PADI1: variants seen among roughly 807,000 people sequenced by gnomAD.
PADI1 encodes the protein protein-arginine deiminase type-1.
In PADI1, 65 loss-of-function variants were observed where a neutral mutation model predicts 74.8. The observed-to-expected ratio is 0.87, with a 90% CI of 0.71 to 1.07. PADI1 has a LOEUF of 1.07. Ranked by LOEUF, PADI1 falls within the 50% of genes least tolerant of loss-of-function variation. PADI1 has a pLI of 0.00. For missense variants in PADI1, 943 were observed against 854.0 expected, an observed-to-expected ratio of 1.10 and a Z score of -1.30; for synonymous variants, 371 against 336.2, an observed-to-expected ratio of 1.10 and a Z score of -1.13.
At chr1:17,212,560 C>G (rs986239333) in intron 1 of PADI1, among the ~76,000 whole-genome samples, 14 of 152,164 alleles carry the variant, frequency 9.2e-5, no homozygotes, top group African/African-American at 3.1e-4. Flanking sequence ...CCAGGTGGTA[C>G]ATTTCTGAGC....
intron 14 of PADI1, chr1:17,240,139 ATT>A (rs1171594339): frequency 2.9e-4 from 83 of 286,928 alleles, no homozygotes; most frequent in Non-Finnish European, 4.9e-4. Context: ...GGTGGGTAAG[ATT>A]CAGGGGGATC....
chr1:17,226,784 T>G (rs1277407829), intron 6 of PADI1, among the ~76,000 whole-genome samples: 1 of 152,026 alleles, frequency 6.6e-6, no homozygotes, highest in Non-Finnish European at 1.5e-5. Context: ...GCACGGTGGC[T>G]CACACCTGTA....
intron 1 of PADI1, among the ~76,000 whole-genome samples, chr1:17,220,223 GC>G (rs916573025): frequency 6.6e-6 from 1 of 152,086 alleles, no homozygotes; most frequent in African/African-American, 2.4e-5. Flanking sequence ...TATAATCTTT[GC>G]TTTGGGGGGT....
At position 17,239,745 on chromosome 1, in the gene PADI1, G is replaced by A; in HGVS notation, c.1594G>A (p.Ala532Thr). ...AAAAAGAAGCATTAATGAGATGCTG[G>A]CAGACAGACACCTCCAGAGAGACAA... ...QAKRSINEML[A>T]DRHLQRDNLH... The change falls in exon 14 of 16, where the codon GCA becomes ACA. Residue 532 changes from alanine to threonine, a missense_variant. Physicochemically the swap from Ala to Thr is moderately conservative, Grantham distance 58. Transcript: ENST00000375471. The A allele has an allele frequency of 1.2e-6, 2 of 1,614,062 alleles. No homozygotes were observed. The highest frequency in any genetic ancestry group is 2.2e-5 in the South Asian group (2 of 91,080).
chr1:17,215,021 G>A (rs35116152), intron 1 of PADI1, among the ~76,000 whole-genome samples: 3,159 of 152,314 alleles, frequency 0.021, 62 homozygotes, highest in Non-Finnish European at 0.033. Flanking sequence ...TGACCTGGAT[G>A]GGGGTGATGG....
At position 17,224,282 on chromosome 1, in the gene PADI1, G is replaced by A. The variant is rs2072246959; in HGVS notation, c.347-85G>A. The A allele has an allele frequency of 4.4e-6, 5 of 1,131,228 alleles. No individual in the cohort carries two copies. In the South Asian group the frequency reaches 6.5e-5, roughly 15 times the overall value. 70.1% of individuals were successfully genotyped at this position (1,131,228 alleles called of 1,614,324 possible). ...TCCAGTCCTCACGGGCTTGGGGAGGGGTCAGAGTTTGCCCAACCTGGACTT... is the reference window on the plus strand; with the variant it reads ...TCCAGTCCTCACGGGCTTGGGGAGGAGTCAGAGTTTGCCCAACCTGGACTT... On this transcript the variant is annotated intron_variant, in intron 3 of 15. Transcript: ENST00000375471.
In PADI1 at chr1:17,232,000, G is replaced by A. The variant is rs979074098; in HGVS notation, c.1162-819G>A. ...GTTGCCTGGGCTGGAGTGCAATGGC[G>A]CGATCTTGGCTCACTGCAACCTCTG... On this transcript the variant is annotated intron_variant, in intron 10 of 15. Coordinates refer to ENST00000375471, the MANE Select transcript of PADI1 (RefSeq NM_013358.3). 1.3e-4 allele frequency among the ~76,000 whole-genome samples: 20 copies of A among 152,112 alleles called. 1 individual carries two copies. The highest frequency in any genetic ancestry group is 1.7e-4 in the African/African-American group (7 of 41,492).
intron 6 of PADI1, among the ~76,000 whole-genome samples, chr1:17,228,147 C>T (rs1001943558): frequency 1.1e-4 from 16 of 152,184 alleles, no homozygotes; most frequent in Admixed American, 3.3e-4. Flanking sequence ...TGTGCCACCA[C>T]GCCTGGCTAT....
In PADI1 at chr1:17,244,177, G is replaced by A. The variant is rs151272256; in HGVS notation, c.1926G>A (p.Glu642=). The A allele has an allele frequency of 5.1e-5, 82 of 1,614,216 alleles. No individual in the cohort carries two copies. The African/African-American group carries it at 9.6e-4, about 19-fold the overall frequency. ...DYLSYHELQG[E]IHCGTNVRRK... is the part of the protein sequence containing the mutation. ...TGTCCTACCACGAGCTGCAGGGGGA[G>A]ATCCACTGTGGCACCAACGTGCGCA... The change falls in exon 16 of 16, where the codon GAG becomes GAA. Residue 642 remains glutamate, a synonymous_variant. Transcript: ENST00000375471.
In PADI1 at chr1:17,209,287, T is replaced by C. The variant is rs369034225; in HGVS notation, c.92+3978T>C. ...TGGACACATTCTCTGCTCCGTCCTGTCACTGTGTCACTGCAGCAGGAAGAA... is the reference window on the plus strand; with the variant it reads ...TGGACACATTCTCTGCTCCGTCCTGCCACTGTGTCACTGCAGCAGGAAGAA... On this transcript the variant is annotated intron_variant, in intron 1 of 15. Coordinates refer to ENST00000375471, the MANE Select transcript of PADI1 (RefSeq NM_013358.3). 5.6e-4 allele frequency among the ~76,000 whole-genome samples: 86 copies of C among 152,280 alleles called. 1 individual carries two copies. The highest frequency in any genetic ancestry group is 2.0e-3 in the African/African-American group (85 of 41,562).
rs779522207 is a variant in PADI1, at chr1:17,215,832, CT to C, written c.93-6457del. On this transcript the variant is annotated intron_variant, in intron 1 of 15. Transcript: ENST00000375471. Reference sequence around the variant, plus strand: ...ACAGCATAAAACAGAAAAAAAATCTCTGCATTTTAGAGGGAGAGACTGCAAT... The same window carrying C: ...ACAGCATAAAACAGAAAAAAAATCTCGCATTTTAGAGGGAGAGACTGCAAT... Among the ~76,000 whole-genome samples, 3 of 152,324 alleles carry C rather than the reference CT, an allele frequency of 2.0e-5. 1 individual carries two copies.
intron 1 of PADI1, among the ~76,000 whole-genome samples, chr1:17,211,201 T>A (rs2977275): frequency 3.7e-4 from 9 of 24,280 alleles, no homozygotes; most frequent in South Asian, 2.5e-3. Flanking sequence ...CAGCCCTGGT[T>A]TTTTGTTTTT....
At chr1:17,240,290 C>T (rs916047085) in intron 14 of PADI1, 25 of 246,628 alleles carry the variant, frequency 1.0e-4, no homozygotes, top group African/African-American at 4.7e-4. Flanking sequence ...TACCCCTTCC[C>T]GGTAGTGCCC....
rs377091332 is a variant in PADI1 at position 17,238,661 on chromosome 1, T to C, written c.1504T>C (p.Phe502Leu). The C allele has an allele frequency of 6.4e-6, 10 of 1,556,054 alleles. No individual in the cohort carries two copies. Among genetic ancestry groups the C allele is most frequent in the Non-Finnish European group, 8.7e-6 (10 of 1,145,600 alleles). ...TAGCCCCAGCGCTTGCCTCAAACTC[T>C]TCCAAGAGAAGAAAGAAGAGGGTTA... is the stretch of plus-strand genomic sequence containing the variant. ...LASPSACLKL[F>L]QEKKEEGYGE... The change falls in exon 13 of 16, where the codon TTC (phenylalanine) becomes CTC (leucine). Residue 502 changes from phenylalanine to leucine, a missense_variant. Phe to Leu is a conservative substitution (Grantham distance 22, BLOSUM62 0). Coordinates refer to ENST00000375471, the MANE Select transcript of PADI1 (RefSeq NM_013358.3).
intron 6 of PADI1, among the ~76,000 whole-genome samples, chr1:17,227,418 C>G (rs2100469805): frequency 6.6e-6 from 1 of 151,118 alleles, no homozygotes; most frequent in South Asian, 2.1e-4. Context: ...GTAGTCCCAG[C>G]TACTCTGAAG....
chr1:17,223,379 C>T (rs965565909), intron 2 of PADI1: 6 of 514,512 alleles, frequency 1.2e-5, no homozygotes, highest in African/African-American at 7.8e-5. Flanking sequence ...CTCCACCTTT[C>T]CCCCACCCTC....
chr1:17,220,067 G>C (rs1274809841), intron 1 of PADI1, among the ~76,000 whole-genome samples: 2 of 152,056 alleles, frequency 1.3e-5, no homozygotes, highest in Admixed American at 6.5e-5. Context: ...AGGAAGAGCA[G>C]GTAAGGTGCG....
At chr1:17,217,349 G>A (rs74058978) in intron 1 of PADI1, among the ~76,000 whole-genome samples, 22,841 of 151,994 alleles carry the variant, frequency 0.15, 2,189 homozygotes, top group Admixed American at 0.27. Flanking sequence ...GTTCAGGGCC[G>A]GTGTGCAGGA....
At chr1:17,220,813 T>C (rs1225537714) in intron 1 of PADI1, among the ~76,000 whole-genome samples, 1 of 152,174 alleles carries the variant, frequency 6.6e-6, no homozygotes, top group African/African-American at 2.4e-5. Context: ...AGAGAGGCCA[T>C]AGTTCACGCT....
Sources: gnomAD v4.1 joint callset for allele counts (sites outside exome capture counted in the v4.1 genomes callset) on GRCh38, gnomAD v4.1.1 for gene constraint, MANE v1.5 for transcripts, NCBI Gene and HGNC (gene_info 2026-07-23, HGNC 2026-07-21) for gene names.